The following BFAR variants were observed in gnomAD, a reference collection of about 807,000 sequenced individuals.
BFAR encodes the protein bifunctional apoptosis regulator.
BFAR carries 52 observed loss-of-function variants against 54.4 expected under a neutral mutation model. That is an observed-to-expected ratio of 0.96 (90% CI 0.77 to 1.21). The LOEUF (loss-of-function observed/expected upper bound fraction) is 1.21. BFAR is among the 50% of genes most tolerant of loss of function. BFAR has a pLI of 0.00. For synonymous variants in BFAR, 215 were observed against 204.3 expected (o/e 1.05, Z -0.45); for missense variants, 571 against 534.0 (o/e 1.07, Z -0.68).
intron 1 of BFAR, among the ~76,000 whole-genome samples, chr16:14,634,164 CT>C (rs531586968): frequency 1.1e-4 from 16 of 152,250 alleles, no homozygotes; most frequent in Middle Eastern, 6.8e-3. Context: ...GGGGGGTGGT[CT>C]TGATGTCATG....
intron 3 of BFAR, 65 bp downstream of exon 3, chr16:14,648,657 TGAAG>T: frequency 8.9e-7 from 1 of 1,126,620 alleles, no homozygotes; most frequent in Non-Finnish European, 1.3e-6. Flanking sequence ...TGATTTCCAC[TGAAG>T]TCAGTTCTGT....
intron 5 of BFAR, among the ~76,000 whole-genome samples, chr16:14,658,705 C>T (rs537890595): frequency 6.6e-6 from 1 of 151,400 alleles, no homozygotes; most frequent in South Asian, 2.1e-4. Context: ...TGCACTCCAG[C>T]CTGGGTGGCA....
intron 5 of BFAR, among the ~76,000 whole-genome samples, chr16:14,660,011 C>T (rs141440082): frequency 2.2e-3 from 334 of 152,248 alleles, no homozygotes; most frequent in African/African-American, 7.6e-3. Context: ...TTAAAGTGTA[C>T]GATGTGATAA....
At chr16:14,654,532 ACT>A (rs1960067660) in intron 4 of BFAR, among the ~76,000 whole-genome samples, 1 of 115,312 alleles carries the variant, frequency 8.7e-6, no homozygotes, top group Admixed American at 1.3e-4. Context: ...ATGGAGTCTC[ACT>A]CTGTTGCCTG....
chr16:14,643,467 G>A (rs535992242), intron 1 of BFAR, among the ~76,000 whole-genome samples: 8 of 152,186 alleles, frequency 5.3e-5, no homozygotes, highest in Non-Finnish European at 8.8e-5. Flanking sequence ...TACTACATTT[G>A]AAAAGTATAA....
At chr16:14,657,096 CTG>C (rs1960149903) in intron 5 of BFAR, among the ~76,000 whole-genome samples, 1 of 152,000 alleles carries the variant, frequency 6.6e-6, no homozygotes, top group African/African-American at 2.4e-5. Context: ...GAGTGAGACA[CTG>C]TCTCAAATGA....
intron 1 of BFAR, among the ~76,000 whole-genome samples, chr16:14,635,265 G>A (rs1484651301): frequency 6.6e-6 from 1 of 152,286 alleles, no homozygotes; most frequent in Middle Eastern, 3.4e-3. Flanking sequence ...AACCCAGGAG[G>A]CAGATGTTGC....
At chr16:14,641,512 C>T (rs1374358643) in intron 1 of BFAR, among the ~76,000 whole-genome samples, 1 of 150,916 alleles carries the variant, frequency 6.6e-6, no homozygotes, top group Non-Finnish European at 1.5e-5. Context: ...GATCGCGCCC[C>T]TGCACTCCAG....
chr16:14,658,760 G>A (rs1408134984), intron 5 of BFAR, among the ~76,000 whole-genome samples: 1 of 151,308 alleles, frequency 6.6e-6, no homozygotes, highest in Admixed American at 6.6e-5. Context: ...ACCTTAATGA[G>A]GGCTCCCTTA....
At chr16:14,644,637 A>C in intron 2 of BFAR, 28 bp downstream of exon 2, 1 of 1,596,298 alleles carries the variant, frequency 6.3e-7, no homozygotes, top group Non-Finnish European at 8.5e-7. Flanking sequence ...TTGGTAGCAC[A>C]AACAGCCCAT....
intron 1 of BFAR, among the ~76,000 whole-genome samples, chr16:14,638,531 C>T (rs1286816679): frequency 6.6e-6 from 1 of 152,218 alleles, no homozygotes; most frequent in Non-Finnish European, 1.5e-5. Flanking sequence ...TGATCATATA[C>T]TGCTGAACCA....
At chr16:14,642,916 C>T (rs1463343972) in intron 1 of BFAR, among the ~76,000 whole-genome samples, 1 of 152,202 alleles carries the variant, frequency 6.6e-6, no homozygotes, top group African/African-American at 2.4e-5. Flanking sequence ...TAGCTCACAC[C>T]TGTAATCCCA....
intron 7 of BFAR, among the ~76,000 whole-genome samples, chr16:14,665,636 G>A (rs931008565): frequency 2.6e-5 from 4 of 152,108 alleles, no homozygotes; most frequent in Admixed American, 6.6e-5. Context: ...GCTTAGGGTC[G>A]GGATCTATGG....
chr16:14,634,697 CCCT>C (rs1959378131), intron 1 of BFAR, among the ~76,000 whole-genome samples: 1 of 152,116 alleles, frequency 6.6e-6, no homozygotes, highest in Non-Finnish European at 1.5e-5. Context: ...CTCCCAACAG[CCCT>C]TCGAAGTTGA....
At chr16:14,644,707 A>G (rs1959737751) in intron 2 of BFAR, 98 bp downstream of exon 2, 5 of 1,391,010 alleles carry the variant, frequency 3.6e-6, no homozygotes, top group Non-Finnish European at 4.8e-6. Context: ...GCGTCTCGCT[A>G]TGTTGCCCAG....
chr16:14,648,694 G>T, intron 3 of BFAR, 102 bp downstream of exon 3: 1 of 839,368 alleles, frequency 1.2e-6, no homozygotes, highest in Non-Finnish European at 1.9e-6. Flanking sequence ...AATAATTGAT[G>T]ATGTGACTCC....
intron 1 of BFAR, among the ~76,000 whole-genome samples, chr16:14,635,011 A>G (rs532780170): frequency 4.9e-4 from 74 of 152,314 alleles, no homozygotes; most frequent in African/African-American, 1.7e-3. Flanking sequence ...AAGTTGTGTT[A>G]CAGGTGAAGG....
intron 5 of BFAR, among the ~76,000 whole-genome samples, chr16:14,656,430 C>T (rs1050366914): frequency 1.3e-5 from 2 of 151,516 alleles, no homozygotes; most frequent in South Asian, 2.1e-4. Context: ...GCTGAGGCTG[C>T]GCTAAACCAT....
chr16:14,669,157 A>T lies in BFAR; in HGVS notation c.*1330A>T, dbSNP rs1960527310. The T allele has an allele frequency of 2.9e-6, 1 of 349,052 alleles. No homozygotes were observed. Among genetic ancestry groups the T allele is most frequent in the Non-Finnish European group, 5.9e-6 (1 of 168,954 alleles). The allele number at this position is 349,052 out of a possible 1,614,324, so 21.6% of individuals were successfully genotyped here. On this transcript the variant is annotated 3_prime_UTR_variant, in exon 8 of 8. Transcript: ENST00000261658. ...TAACCCTTTGTATCTTTGAGTGAAA[A>T]TTTTACTCAAAAGTTGCATCTGGAA...
Sources: allele counts gnomAD v4.1 joint callset (sites outside exome capture counted in the v4.1 genomes callset), GRCh38; gene constraint gnomAD v4.1.1; transcripts MANE v1.5; gene names NCBI Gene and HGNC (gene_info 2026-07-23, HGNC 2026-07-21).